The following TMEM163 variants were observed in gnomAD, a reference collection of about 807,000 sequenced individuals.
The protein encoded by TMEM163 is transmembrane protein 163.
TMEM163 carries 17 observed loss-of-function variants against 29.3 expected under a neutral mutation model. That is an observed-to-expected ratio of 0.58 (90% CI 0.40 to 0.87). The LOEUF is 0.87. Ranked by LOEUF, TMEM163 falls within the 40% of genes least tolerant of loss-of-function variation. The probability of loss-of-function intolerance (pLI) is 0.00; values close to 1 mark genes in which losing one functional copy is unlikely to be tolerated. For missense variants in TMEM163, 303 were observed against 381.5 expected (o/e 0.79, Z 1.71); for synonymous variants, 157 against 160.6 (o/e 0.98, Z 0.17).
At chr2:134,523,769 G>A (rs906009062) in intron 4 of TMEM163, among the ~76,000 whole-genome samples, 1 of 152,160 alleles carries the variant, frequency 6.6e-6, no homozygotes, top group African/African-American at 2.4e-5. Context: ...CTGAAACCCA[G>A]CCTTAGTAAG....
At position 134,577,263 on chromosome 2, in the gene TMEM163, G is replaced by A. The variant is rs1681576726; in HGVS notation, c.323-25172C>T. The stretch of plus-strand genomic sequence containing the variant: ...ATACCTTCTGAGAGCCCAAATCTGT[G>A]TTCTTTCTCTGTAGCACACATCGTG... On this transcript the variant is annotated intron_variant, in intron 2 of 7. Transcript: ENST00000281924. 3.3e-5 allele frequency among the ~76,000 whole-genome samples: 5 copies of A among 152,194 alleles called. No individual in the cohort carries two copies. In the South Asian group the frequency reaches 1.0e-3, roughly 32 times the overall value.
Position 134,603,834 on chromosome 2 carries a change from G to A in TMEM163, c.323-51743C>T, listed in dbSNP as rs1217959920. Among the ~76,000 whole-genome samples, 3 of 150,242 alleles carry A rather than the reference G, an allele frequency of 2.0e-5. No individual in the cohort carries two copies. In the East Asian group the frequency reaches 6.0e-4, roughly 30 times the overall value. On this transcript the variant is annotated intron_variant, in intron 2 of 7. Transcript: ENST00000281924. Reference sequence around the variant, plus strand: ...GAGTGTATATAAGGTGGAAGGTGGGGGTGGGGGAAGGGGAGGGGAGGGGAG... The same window carrying A: ...GAGTGTATATAAGGTGGAAGGTGGGAGTGGGGGAAGGGGAGGGGAGGGGAG...
At chr2:134,578,259 T>C (rs769665601) in intron 2 of TMEM163, among the ~76,000 whole-genome samples, 3 of 152,194 alleles carry the variant, frequency 2.0e-5, no homozygotes, top group Non-Finnish European at 4.4e-5. Flanking sequence ...CACTTACAGA[T>C]TCTGCTCACA....
intron 2 of TMEM163, among the ~76,000 whole-genome samples, chr2:134,587,597 A>G (rs946851551): frequency 2.0e-5 from 3 of 152,184 alleles, no homozygotes; most frequent in South Asian, 2.1e-4. Context: ...TCAATCACAC[A>G]GTCAGGGCAT....
intron 2 of TMEM163, among the ~76,000 whole-genome samples, chr2:134,623,183 GGA>G (rs1440855372): frequency 2.0e-5 from 3 of 151,978 alleles, no homozygotes; most frequent in Non-Finnish European, 4.4e-5. Flanking sequence ...AAAATAGAGG[GGA>G]GAAAAAAGGG....
intron 2 of TMEM163, among the ~76,000 whole-genome samples, chr2:134,667,465 C>T (rs1683893988): frequency 6.6e-6 from 1 of 152,192 alleles, no homozygotes; most frequent in Non-Finnish European, 1.5e-5. Context: ...ATATGGAAAC[C>T]TCTTCTCTCC....
At chr2:134,470,356 C>CA (rs35003964) in intron 5 of TMEM163, among the ~76,000 whole-genome samples, 23,493 of 90,874 alleles carry the variant, frequency 0.26, 2,303 homozygotes, top group South Asian at 0.35. Flanking sequence ...GACTCCGTCT[C>CA]AAAAAAAAAA....
chr2:134,683,046 G>A (rs1352136680), intron 2 of TMEM163, among the ~76,000 whole-genome samples: 2 of 152,190 alleles, frequency 1.3e-5, no homozygotes, highest in Non-Finnish European at 2.9e-5. Context: ...GATTTCAACT[G>A]TATGACATTC....
intron 2 of TMEM163, among the ~76,000 whole-genome samples, chr2:134,673,313 C>G (rs1251432777): frequency 6.6e-6 from 1 of 152,110 alleles, no homozygotes; most frequent in Non-Finnish European, 1.5e-5. Flanking sequence ...CACCTTATAC[C>G]CGAGGCTCAG....
intron 5 of TMEM163, among the ~76,000 whole-genome samples, chr2:134,491,901 A>G (rs1428191109): frequency 2.0e-5 from 3 of 152,190 alleles, no homozygotes; most frequent in Non-Finnish European, 4.4e-5. Context: ...TTTCCTAGGT[A>G]ACACTCGAAC....
At chr2:134,459,737 C>T (rs1310654086) in intron 6 of TMEM163, among the ~76,000 whole-genome samples, 1 of 151,886 alleles carries the variant, frequency 6.6e-6, no homozygotes, top group Admixed American at 6.6e-5. Context: ...AATCCCTAGC[C>T]CCACACCCCC....
At chr2:134,558,922 G>T (rs1314681428) in intron 2 of TMEM163, among the ~76,000 whole-genome samples, 3 of 152,132 alleles carry the variant, frequency 2.0e-5, no homozygotes, top group Non-Finnish European at 2.9e-5. Context: ...TTACACAGGG[G>T]CCTGGCAACA....
At chr2:134,488,330 C>A (rs1462462044) in intron 5 of TMEM163, among the ~76,000 whole-genome samples, 1 of 152,148 alleles carries the variant, frequency 6.6e-6, no homozygotes, top group African/African-American at 2.4e-5. Context: ...GAGCAGCAGA[C>A]CTAATCAGCT....
At chr2:134,654,606 AT>A (rs1301386896) in intron 2 of TMEM163, among the ~76,000 whole-genome samples, 1 of 81,566 alleles carries the variant, frequency 1.2e-5, no homozygotes, top group Admixed American at 1.3e-4. Flanking sequence ...TTAGCTGGTG[AT>A]TTTGCTCGTT....
chr2:134,696,972 C>T (rs892865552), intron 2 of TMEM163, among the ~76,000 whole-genome samples: 9 of 152,058 alleles, frequency 5.9e-5, no homozygotes, highest in African/African-American at 1.9e-4. Context: ...GAGGGGATTT[C>T]GCCATGTTGG....
intron 2 of TMEM163, among the ~76,000 whole-genome samples, chr2:134,692,513 C>G (rs574747005): frequency 6.6e-6 from 1 of 152,080 alleles, no homozygotes; most frequent in Non-Finnish European, 1.5e-5. Context: ...ACTTCAACAC[C>G]ATGAATTTAT....
intron 2 of TMEM163, among the ~76,000 whole-genome samples, chr2:134,554,422 CAA>C (rs941286100): frequency 7.6e-4 from 16 of 21,140 alleles, no homozygotes; most frequent in African/African-American, 1.8e-3. Context: ...GACCCCATCT[CAA>C]AAAAAAAAAA....
intron 2 of TMEM163, among the ~76,000 whole-genome samples, chr2:134,626,793 T>C (rs913511183): frequency 1.3e-5 from 2 of 152,246 alleles, no homozygotes; most frequent in African/African-American, 4.8e-5. Context: ...AACATTCTCC[T>C]GTTGCTTCTG....
At chr2:134,486,927 C>T (rs923366867) in intron 5 of TMEM163, among the ~76,000 whole-genome samples, 1 of 152,184 alleles carries the variant, frequency 6.6e-6, no homozygotes, top group African/African-American at 2.4e-5. Flanking sequence ...GAAATATTCA[C>T]ATCTTAAAGG....
Sources: allele counts gnomAD v4.1 joint callset (sites outside exome capture counted in the v4.1 genomes callset), GRCh38; gene constraint gnomAD v4.1.1; transcripts MANE v1.5; gene names NCBI Gene and HGNC (gene_info 2026-07-23, HGNC 2026-07-21).